The following BNC1 variants were observed in gnomAD, a reference collection of about 807,000 sequenced individuals.
BNC1 encodes the protein basonuclin zinc finger protein 1.
A neutral mutation model predicts 66.5 loss-of-function variants in BNC1; 8 were observed. The observed-to-expected ratio is 0.12, with a 90% CI of 0.07 to 0.22. The LOEUF is 0.22. Among genes scored for constraint, BNC1 ranks in the 10% least tolerant of loss-of-function variants. The pLI is 1.00. For missense variants in BNC1, 1,069 were observed against 1,241.3 expected (o/e 0.86, Z 2.09); for synonymous variants, 454 against 452.6 (o/e 1.00, Z -0.04).
intron 1 of BNC1, among the ~76,000 whole-genome samples, chr15:83,278,502 A>G (rs1486987747): frequency 1.3e-5 from 2 of 152,246 alleles, no homozygotes; most frequent in East Asian, 1.9e-4. Flanking sequence ...CAAAACAAAC[A>G]AAACTCATTG....
In BNC1 at chr15:83,284,525, C is replaced by A; in HGVS notation, c.99+5G>T. ...CCCCGCGCCCGCGGAGGGCGCCGCG[C>A]TTACCTCGGCCATCCTGCGACCGCT... On this transcript the variant is annotated splice_donor_5th_base_variant and intron_variant, in intron 1 of 4. Coordinates refer to ENST00000345382, the MANE Select transcript of BNC1 (RefSeq NM_001717.4). 8 of 1,195,430 alleles carry A rather than the reference C, an allele frequency of 6.7e-6. No homozygotes were observed. Among genetic ancestry groups the A allele is most frequent in the Non-Finnish European group, 8.4e-6 (8 of 953,034 alleles). The allele number at this position is 1,195,430 out of a possible 1,614,324, so 74.1% of individuals were successfully genotyped here. A position where few individuals can be genotyped will look rare whatever the true frequency, so the allele number is the denominator to read the frequency against.
chr15:83,266,957 G>T lies in BNC1; in HGVS notation c.314C>A (p.Pro105His). The T allele has an allele frequency of 6.2e-7, 1 of 1,614,090 alleles. No homozygotes were observed. Among genetic ancestry groups the T allele is most frequent in the Non-Finnish European group, 8.5e-7 (1 of 1,179,978 alleles). ...SLMLYGTQAI[P>H]VRLKILLDRL... is the part of the protein sequence containing the mutation. ...GTCCAGTAGGATTTTTAGGCGAACG[G>T]GGATGGCCTGGGTCCCATAGAGCAT... Residue 105 changes from proline (P) to histidine (H), a missense_variant, in exon 3 of 5, where the codon CCC (proline) becomes CAC (histidine). Physicochemically the swap from Pro to His is moderately conservative, Grantham distance 77. Coordinates refer to ENST00000345382, the MANE Select transcript of BNC1 (RefSeq NM_001717.4).
Position 83,257,648 on chromosome 15 carries a change from G to A in BNC1, c.2779C>T (p.Pro927Ser). Residue 927 changes from proline to serine, a missense_variant, in exon 5 of 5, where the codon CCC becomes TCC. Physicochemically the swap from Pro to Ser is moderately conservative, Grantham distance 74. Coordinates refer to ENST00000345382, the MANE Select transcript of BNC1 (RefSeq NM_001717.4). ...TTTTGGCAGAGATGACAGGTTATGG[G>A]CAACCCAGAAGGCAGGCTAGCAAGG... ...QSLASLPSGLPITCHLCQKTY... is the reference protein window; with the variant it reads ...QSLASLPSGLSITCHLCQKTY... 6.2e-7 allele frequency: 1 copy of A among 1,614,142 alleles called. No individual in the cohort carries two copies. The highest frequency in any genetic ancestry group is 1.1e-5 in the South Asian group (1 of 91,084).
intron 1 of BNC1, among the ~76,000 whole-genome samples, chr15:83,272,881 C>G (rs2038282641): frequency 6.6e-6 from 1 of 152,172 alleles, no homozygotes; most frequent in Admixed American, 6.5e-5. Flanking sequence ...TGTACGACAT[C>G]TGATCAACAT....
At chr15:83,265,472 G>C (rs2038207643) in intron 3 of BNC1, among the ~76,000 whole-genome samples, 1 of 152,196 alleles carries the variant, frequency 6.6e-6, no homozygotes, top group East Asian at 1.9e-4. Flanking sequence ...GCATGTAAGA[G>C]TTTTGAAGAT....
At chr15:83,260,083 T>C (rs1325286962) in intron 4 of BNC1, among the ~76,000 whole-genome samples, 1 of 152,198 alleles carries the variant, frequency 6.6e-6, no homozygotes, top group East Asian at 1.9e-4. Flanking sequence ...TTTCAGGGGG[T>C]TCCTGAAGTC....
In BNC1 at chr15:83,263,272, G is replaced by A. The variant is rs1444560454; in HGVS notation, c.1979C>T (p.Pro660Leu). Residue 660 changes from proline to leucine, a missense_variant, in exon 4 of 5, where the codon CCT (proline) becomes CTT (leucine). Pro to Leu is a moderately conservative substitution (Grantham distance 98, BLOSUM62 -3). Around this residue, in one of 7 missense-constraint regions of BNC1, gnomAD observed 657 missense variants for 715.8 expected, o/e 0.92. Transcript: ENST00000345382. ...AAAAGGAACTTGGGGTTCCATCCCA[G>A]GTGTGAAGTAGTGTTCATGGCCACC... ...EDGGHEHYFT[P>L]GMEPQVPFSD... is the part of the protein sequence containing the mutation. The A allele has an allele frequency of 2.5e-6, 4 of 1,614,108 alleles. No homozygotes were observed. Among genetic ancestry groups the A allele is most frequent in the Non-Finnish European group, 3.4e-6 (4 of 1,180,048 alleles).
At chr15:83,262,899 A>G (rs2038160392) in intron 4 of BNC1, 52 bp downstream of exon 4, 1 of 1,504,762 alleles carries the variant, frequency 6.6e-7, no homozygotes, top group African/African-American at 1.4e-5. Context: ...GATGCATGTT[A>G]AACTTGAAGA....
Position 83,283,593 on chromosome 15 carries a change from C to A in BNC1, c.99+937G>T, listed in dbSNP as rs2038407901. On this transcript the variant is annotated intron_variant, in intron 1 of 4. Transcript: ENST00000345382. The stretch of plus-strand genomic sequence containing the variant: ...TTCCCATGCAAACCCCTGAAGGAAG[C>A]GGCAGGCGCAGCCGCGGGCTCCGCA... 3.5e-6 allele frequency: 3 copies of A among 856,810 alleles called. No homozygotes were observed. In the African/African-American group the frequency reaches 5.5e-5, roughly 16 times the overall value. 53.1% of individuals were successfully genotyped at this position (856,810 alleles called of 1,614,324 possible).
chr15:83,270,207 T>TA (rs2038256430), intron 1 of BNC1, among the ~76,000 whole-genome samples: 1 of 152,228 alleles, frequency 6.6e-6, no homozygotes, highest in African/African-American at 2.4e-5. Flanking sequence ...ACTCACCCAT[T>TA]TAAGGTGTAC....
rs1465370115 is a variant in BNC1, at chr15:83,257,255, G to C, written c.*187C>G. On this transcript the variant is annotated 3_prime_UTR_variant, in exon 5 of 5. Transcript: ENST00000345382. ...TGGGCTAAGAAAAATAATAGGAAGG[G>C]CTGCCCCAGTGTCATCTTCCCACGA... The C allele has an allele frequency of 6.1e-6, 4 of 651,538 alleles. No homozygotes were observed. 40.4% of individuals were successfully genotyped at this position (651,538 alleles called of 1,614,324 possible).
At chr15:83,262,343 G>A (rs1285928582) in intron 4 of BNC1, among the ~76,000 whole-genome samples, 3 of 152,086 alleles carry the variant, frequency 2.0e-5, no homozygotes, top group East Asian at 1.9e-4. Context: ...GAGCCACCGC[G>A]CCTGGCCATA....
At chr15:83,281,119 C>G (rs983015692) in intron 1 of BNC1, among the ~76,000 whole-genome samples, 5 of 152,096 alleles carry the variant, frequency 3.3e-5, no homozygotes, top group African/African-American at 1.2e-4. Context: ...CTGTTTATAC[C>G]CACCCTCTTC....
intron 1 of BNC1, among the ~76,000 whole-genome samples, chr15:83,281,103 T>C (rs1406795382): frequency 1.3e-5 from 2 of 152,214 alleles, no homozygotes; most frequent in Non-Finnish European, 2.9e-5. Context: ...GAAACAAGTC[T>C]GTTCTCTGTT....
intron 1 of BNC1, chr15:83,283,276 A>G: frequency 1.3e-6 from 2 of 1,531,888 alleles, no homozygotes; most frequent in Non-Finnish European, 1.7e-6. Flanking sequence ...TCGCCTCGCC[A>G]CAATCTTGTC....
rs1207888473 is a variant in BNC1, at chr15:83,258,146, G to A, written c.2301-20C>T. ...CTGTGTCTACAAGAGTGAAAAGATG[G>A]TTAGTAATGGGTTGGGCTGTTTTAG... On this transcript the variant is annotated intron_variant, in intron 4 of 4. Coordinates refer to ENST00000345382, the MANE Select transcript of BNC1 (RefSeq NM_001717.4). 2 of 1,572,994 alleles carry A rather than the reference G, an allele frequency of 1.3e-6. No individual in the cohort carries two copies. Among genetic ancestry groups the A allele is most frequent in the East Asian group, 4.5e-5 (2 of 44,130 alleles).
Position 83,263,197 on chromosome 15 carries a change from C to T in BNC1, c.2054G>A (p.Ser685Asn), listed in dbSNP as rs2038164943. The stretch of plus-strand genomic sequence containing the variant: ...AGCCATTCCCCTGTTGGACAAAGCA[C>T]TGAAGAGTCCCCCAGCCAGCAGGCG... ...QQRLLAGGLF[S>N]ALSNRGMAFP... The change falls in exon 4 of 5, where the codon AGT becomes AAT. Residue 685 changes from serine (S) to asparagine (N), a missense_variant. By Grantham distance (46) the Ser-to-Asn change is conservative. Around this residue, in one of 7 missense-constraint regions of BNC1, gnomAD observed 657 missense variants for 715.8 expected, o/e 0.92. Transcript: ENST00000345382. 2 of 1,614,252 alleles carry T rather than the reference C, an allele frequency of 1.2e-6. No individual in the cohort carries two copies. The highest frequency in any genetic ancestry group is 1.7e-6 in the Non-Finnish European group (2 of 1,180,044).
intron 1 of BNC1, among the ~76,000 whole-genome samples, chr15:83,270,463 G>T (rs1447382400): frequency 6.6e-6 from 1 of 152,064 alleles, no homozygotes; most frequent in African/African-American, 2.4e-5. Flanking sequence ...ACGTATGAGG[G>T]TTCCAATTTC....
intron 1 of BNC1, 22 bp downstream of exon 1, chr15:83,284,508 C>T: frequency 1.7e-6 from 2 of 1,197,930 alleles, no homozygotes; most frequent in Non-Finnish European, 2.1e-6. Context: ...ATCCCCGCGC[C>T]CGCGGAGGGC....
Sources: allele counts gnomAD v4.1 joint callset (sites outside exome capture counted in the v4.1 genomes callset), GRCh38; gene constraint gnomAD v4.1.1; regional missense constraint gnomAD v4.1.1; transcripts MANE v1.5; gene names NCBI Gene and HGNC (gene_info 2026-07-23, HGNC 2026-07-21).